The following DPYD variants were observed in gnomAD, a reference collection of about 807,000 sequenced individuals.
DPYD encodes the protein dihydropyrimidine dehydrogenase.
In DPYD, 109 loss-of-function variants were observed where a neutral mutation model predicts 116.2. The ratio of observed to expected loss-of-function variants is 0.94; its 90% CI spans 0.80 to 1.10. DPYD has a LOEUF of 1.10. Among genes scored for constraint, DPYD ranks in the 50% least tolerant of loss-of-function variants. The pLI is 0.00. For synonymous variants in DPYD, 440 were observed against 432.0 expected (o/e 1.02, Z -0.23); for missense variants, 1,302 against 1,254.5 (o/e 1.04, Z -0.57).
chr1:97,334,259 T>C (rs1417088643), intron 16 of DPYD, among the ~76,000 whole-genome samples: 4 of 152,234 alleles, frequency 2.6e-5, no homozygotes, highest in African/African-American at 9.6e-5. Flanking sequence ...TATGGAACTC[T>C]ACTTTTTTGA....
intron 13 of DPYD, among the ~76,000 whole-genome samples, chr1:97,511,412 A>C (rs1233136618): frequency 2.0e-5 from 3 of 151,902 alleles, no homozygotes; most frequent in Non-Finnish European, 4.4e-5. Flanking sequence ...TTGGATTAAG[A>C]CCAGGGCCTC....
At chr1:97,528,353 G>T (rs976856238) in intron 12 of DPYD, among the ~76,000 whole-genome samples, 2 of 151,898 alleles carry the variant, frequency 1.3e-5, no homozygotes, top group South Asian at 2.1e-4. Context: ...TCCATTTTAC[G>T]CATTTCTTTA....
At chr1:97,522,006 C>T (rs887157972) in intron 12 of DPYD, among the ~76,000 whole-genome samples, 41 of 152,184 alleles carry the variant, frequency 2.7e-4, no homozygotes, top group African/African-American at 8.7e-4. Flanking sequence ...GGGCAGACTT[C>T]ATGACTAAAA....
chr1:97,917,787 T>C (rs974538523), intron 1 of DPYD, among the ~76,000 whole-genome samples: 1 of 152,224 alleles, frequency 6.6e-6, no homozygotes, highest in Non-Finnish European at 1.5e-5. Context: ...TGCAGCTGCA[T>C]ACATTTCGTT....
chr1:97,599,014 A>C (rs1655075040), intron 8 of DPYD, among the ~76,000 whole-genome samples: 1 of 152,220 alleles, frequency 6.6e-6, no homozygotes, highest in Non-Finnish European at 1.5e-5. Context: ...GTAATCATTC[A>C]ACATGTATGT....
At chr1:97,716,677 G>A (rs549909026) in intron 5 of DPYD, among the ~76,000 whole-genome samples, 13 of 152,104 alleles carry the variant, frequency 8.5e-5, no homozygotes, top group Non-Finnish European at 2.9e-5. Flanking sequence ...AAAAAAAGAT[G>A]AGGAAGATGA....
At chr1:97,802,680 T>A (rs1557973360) in intron 3 of DPYD, among the ~76,000 whole-genome samples, 1 of 151,906 alleles carries the variant, frequency 6.6e-6, no homozygotes, top group Non-Finnish European at 1.5e-5. Flanking sequence ...GTCCCAGTTC[T>A]CCCACTTATC....
intron 2 of DPYD, among the ~76,000 whole-genome samples, chr1:97,851,987 A>G (rs1446010471): frequency 2.1e-5 from 3 of 141,236 alleles, no homozygotes; most frequent in Non-Finnish European, 3.0e-5. Context: ...TAAAGTATAG[A>G]AAAAAAAAAA....
intron 2 of DPYD, among the ~76,000 whole-genome samples, chr1:97,853,191 C>T (rs1670654146): frequency 2.6e-5 from 4 of 152,300 alleles, no homozygotes; most frequent in African/African-American, 9.6e-5. Context: ...TAACCCAGTG[C>T]TTGTTCTATC....
At chr1:97,556,646 A>G (rs1465059026) in intron 11 of DPYD, among the ~76,000 whole-genome samples, 5 of 149,904 alleles carry the variant, frequency 3.3e-5, no homozygotes, top group African/African-American at 4.9e-5. Flanking sequence ...GAGAATGATG[A>G]TTTCCAATTT....
chr1:97,489,271 G>C (rs556471001), intron 13 of DPYD, among the ~76,000 whole-genome samples: 2 of 152,292 alleles, frequency 1.3e-5, no homozygotes, highest in African/African-American at 4.8e-5. Context: ...TTTAACACCT[G>C]AGCTCATGTT....
intron 16 of DPYD, among the ~76,000 whole-genome samples, chr1:97,346,156 C>G (rs1167048482): frequency 3.3e-5 from 5 of 151,778 alleles, no homozygotes; most frequent in Non-Finnish European, 5.9e-5. Flanking sequence ...CTTCCTTTGT[C>G]AATCTGACAT....
intron 8 of DPYD, among the ~76,000 whole-genome samples, chr1:97,636,637 T>C (rs1657577841): frequency 6.6e-6 from 1 of 152,162 alleles, no homozygotes; most frequent in Non-Finnish European, 1.5e-5. Flanking sequence ...TTTATAATTA[T>C]TATTTAAAAT....
intron 8 of DPYD, among the ~76,000 whole-genome samples, chr1:97,637,621 GA>G (rs1381232319): frequency 1.3e-5 from 2 of 151,906 alleles, no homozygotes; most frequent in African/African-American, 4.8e-5. Flanking sequence ...AGACAAACAA[GA>G]AAGAAGTGAG....
chr1:97,234,650 G>A lies in DPYD; in HGVS notation c.2442+202C>T, dbSNP rs191082538. Among the ~76,000 whole-genome samples, 8 of 152,232 alleles carry A rather than the reference G, an allele frequency of 5.3e-5. No individual in the cohort carries two copies. In the East Asian group the frequency reaches 5.8e-4, roughly 11 times the overall value. ...TGTATTAAGAAAAGACAGTGGGTTC[G>A]TAAGCCCTCAACAGGACAGGAAATA... On this transcript the variant is annotated intron_variant, in intron 19 of 22. Coordinates refer to ENST00000370192, the MANE Select transcript of DPYD (RefSeq NM_000110.4).
chr1:97,406,049 C>T (rs1467363515), intron 14 of DPYD, among the ~76,000 whole-genome samples: 1 of 152,056 alleles, frequency 6.6e-6, no homozygotes, highest in Non-Finnish European at 1.5e-5. Context: ...GTTTTTAACT[C>T]TCAGACTTGT....
chr1:97,433,535 T>C (rs1490946511), intron 14 of DPYD, among the ~76,000 whole-genome samples: 3 of 152,176 alleles, frequency 2.0e-5, no homozygotes, highest in African/African-American at 7.2e-5. Flanking sequence ...GGTAAGTTTT[T>C]TAAAAGTCTA....
rs531697476 is a variant in DPYD, at chr1:97,158,778, G to A, written c.2622+34291C>T. ...CTACAGAGAGGGAGCACCAGATTCTGCATATGTATTCTACCCAAATCACTG... is the reference window on the plus strand; with the variant it reads ...CTACAGAGAGGGAGCACCAGATTCTACATATGTATTCTACCCAAATCACTG... On this transcript the variant is annotated intron_variant, in intron 20 of 22. Transcript: ENST00000370192. Among the ~76,000 whole-genome samples, 6 of 152,204 alleles carry A rather than the reference G, an allele frequency of 3.9e-5. No homozygotes were observed. The East Asian group carries it at 7.7e-4, about 20-fold the overall frequency.
chr1:97,591,941 TA>T (rs1268692181), intron 10 of DPYD, among the ~76,000 whole-genome samples: 1 of 151,712 alleles, frequency 6.6e-6, no homozygotes, highest in Non-Finnish European at 1.5e-5. Context: ...TTGGATTTTA[TA>T]AAAAAGTCTA....
Sources: gnomAD v4.1 joint callset for allele counts (sites outside exome capture counted in the v4.1 genomes callset) on GRCh38, gnomAD v4.1.1 for gene constraint, MANE v1.5 for transcripts, NCBI Gene and HGNC (gene_info 2026-07-23, HGNC 2026-07-21) for gene names.